IMMP2L: variants seen among roughly 807,000 people sequenced by gnomAD.
IMMP2L encodes the protein inner mitochondrial membrane peptidase subunit 2.
IMMP2L carries 18 observed loss-of-function variants against 19.3 expected under a neutral mutation model. The observed-to-expected ratio is 0.93, with a 90% CI of 0.64 to 1.38. IMMP2L has a LOEUF of 1.38. Ranked by LOEUF, IMMP2L falls within the 40% of genes most tolerant of loss-of-function variation. IMMP2L has a pLI of 0.00. For synonymous variants in IMMP2L, 76 were observed against 73.0 expected, an observed-to-expected ratio of 1.04 and a Z score of -0.21; for missense variants, 233 against 218.2, an observed-to-expected ratio of 1.07 and a Z score of -0.43.
intron 5 of IMMP2L, among the ~76,000 whole-genome samples, chr7:110,772,080 G>A (rs565378846): frequency 6.6e-6 from 1 of 152,220 alleles, no homozygotes; most frequent in East Asian, 1.9e-4. Flanking sequence ...AAAGCTGCCT[G>A]GTCTCTTGAG....
chr7:110,882,623 C>T (rs753600777), intron 5 of IMMP2L, among the ~76,000 whole-genome samples: 10 of 151,994 alleles, frequency 6.6e-5, no homozygotes, highest in Admixed American at 1.3e-4. Flanking sequence ...TCAGGTGATC[C>T]ACCCGCCTCG....
At chr7:110,761,204 C>T (rs1584748542) in intron 5 of IMMP2L, among the ~76,000 whole-genome samples, 1 of 152,080 alleles carries the variant, frequency 6.6e-6, no homozygotes, top group Non-Finnish European at 1.5e-5. Flanking sequence ...AGAATATGAG[C>T]ACTCCACTAG....
At chr7:111,534,492 T>C (rs186369463) in intron 1 of IMMP2L, among the ~76,000 whole-genome samples, 1 of 152,190 alleles carries the variant, frequency 6.6e-6, no homozygotes. Context: ...ATAAAGAATA[T>C]GAACCAAAAT....
intron 3 of IMMP2L, among the ~76,000 whole-genome samples, chr7:111,408,517 C>T (rs1252676789): frequency 9.9e-5 from 15 of 151,640 alleles, no homozygotes; most frequent in East Asian, 9.6e-4. Flanking sequence ...TTTTCTAGTG[C>T]ATCATATCAC....
intron 4 of IMMP2L, among the ~76,000 whole-genome samples, chr7:110,914,767 C>T (rs1306590526): frequency 6.9e-6 from 1 of 145,242 alleles, no homozygotes; most frequent in African/African-American, 2.6e-5. Context: ...TAATTTGGTA[C>T]AATAGTTTTT....
At chr7:111,115,976 C>T (rs934907172) in intron 3 of IMMP2L, among the ~76,000 whole-genome samples, 3 of 152,048 alleles carry the variant, frequency 2.0e-5, no homozygotes, top group Admixed American at 6.5e-5. Flanking sequence ...CACATCCGGC[C>T]GGAATTATTG....
intron 3 of IMMP2L, among the ~76,000 whole-genome samples, chr7:111,346,025 CA>C (rs1827503731): frequency 6.6e-6 from 1 of 152,120 alleles, no homozygotes; most frequent in African/African-American, 2.4e-5. Flanking sequence ...ACCATTACTG[CA>C]AGACATAACA....
At chr7:111,145,236 T>C (rs893777571) in intron 3 of IMMP2L, among the ~76,000 whole-genome samples, 1 of 152,140 alleles carries the variant, frequency 6.6e-6, no homozygotes, top group African/African-American at 2.4e-5. Context: ...AGAAGCAGCT[T>C]TGTGAACATA....
intron 3 of IMMP2L, among the ~76,000 whole-genome samples, chr7:111,089,260 G>A (rs568819811): frequency 2.6e-5 from 4 of 152,060 alleles, no homozygotes; most frequent in Non-Finnish European, 5.9e-5. Context: ...AAAACCAAGA[G>A]AGGAGTTTAA....
intron 1 of IMMP2L, among the ~76,000 whole-genome samples, chr7:111,525,275 T>C (rs545966629): frequency 7.9e-5 from 12 of 152,160 alleles, no homozygotes; most frequent in African/African-American, 2.6e-4. Flanking sequence ...GGAGTGGCCA[T>C]GTTGTGATGG....
intron 3 of IMMP2L, among the ~76,000 whole-genome samples, chr7:111,459,206 T>C (rs1839933866): frequency 6.6e-6 from 1 of 151,898 alleles, no homozygotes; most frequent in Non-Finnish European, 1.5e-5. Context: ...AAAACTGTTA[T>C]CTTATCATTA....
intron 3 of IMMP2L, among the ~76,000 whole-genome samples, chr7:111,023,887 G>A (rs943237752): frequency 5.9e-5 from 9 of 152,152 alleles, no homozygotes; most frequent in African/African-American, 2.2e-4. Context: ...TTTTCAAGAG[G>A]TGAAATAACT....
chr7:110,921,675 G>C (rs955899909), intron 4 of IMMP2L, among the ~76,000 whole-genome samples: 4 of 152,126 alleles, frequency 2.6e-5, no homozygotes, highest in African/African-American at 9.7e-5. Context: ...CATTGGCTGG[G>C]ATCACATTAT....
chr7:111,437,112 T>A (rs1368659051), intron 3 of IMMP2L, among the ~76,000 whole-genome samples: 1 of 151,892 alleles, frequency 6.6e-6, no homozygotes, highest in Non-Finnish European at 1.5e-5. Context: ...AACGCACTTA[T>A]TCTTTTTTAA....
Position 110,803,846 on chromosome 7 carries a change from T to A in IMMP2L, c.408+82747A>T, listed in dbSNP as rs1181752483. Among the ~76,000 whole-genome samples the A allele has an allele frequency of 6.6e-6, 1 of 152,064 alleles. No individual in the cohort carries two copies. Among genetic ancestry groups the A allele is most frequent in the Non-Finnish European group, 1.5e-5 (1 of 67,976 alleles). Reference sequence around the variant, plus strand: ...AGTATCTCAACACTTGGGGACTTGTTAGACATGCAAATTATCTTGCCCCAC... The same window carrying A: ...AGTATCTCAACACTTGGGGACTTGTAAGACATGCAAATTATCTTGCCCCAC... On this transcript the variant is annotated intron_variant, in intron 5 of 5. Coordinates refer to ENST00000405709, the MANE Select transcript of IMMP2L (RefSeq NM_032549.4). The surrounding 1 kb of genome is among the most constrained non-coding windows in gnomAD (Gnocchi z 4.2).
At chr7:111,438,134 G>A (rs952869821) in intron 3 of IMMP2L, among the ~76,000 whole-genome samples, 7 of 151,702 alleles carry the variant, frequency 4.6e-5, no homozygotes, top group Non-Finnish European at 1.5e-5. Context: ...ACTCAACGGA[G>A]TTACCTATTA....
chr7:111,016,584 T>C (rs1825602784), intron 3 of IMMP2L, among the ~76,000 whole-genome samples: 1 of 114,376 alleles, frequency 8.7e-6, no homozygotes, highest in South Asian at 2.4e-4. Flanking sequence ...CATATACATA[T>C]ATGTATATAT....
chr7:111,171,255 T>G (rs1806417153), intron 3 of IMMP2L, among the ~76,000 whole-genome samples: 1 of 151,828 alleles, frequency 6.6e-6, no homozygotes, highest in Admixed American at 6.6e-5. Context: ...CCATGTGGCA[T>G]ACATTTACAT....
intron 3 of IMMP2L, among the ~76,000 whole-genome samples, chr7:111,116,735 T>G (rs1161758003): frequency 6.6e-6 from 1 of 152,184 alleles, no homozygotes; most frequent in African/African-American, 2.4e-5. Flanking sequence ...CCTTATAATT[T>G]CATCTGAGTG....
Sources: allele counts gnomAD v4.1 joint callset (sites outside exome capture counted in the v4.1 genomes callset), GRCh38; gene constraint gnomAD v4.1.1; non-coding constraint Gnocchi (gnomAD v3.1); transcripts MANE v1.5; gene names NCBI Gene and HGNC (gene_info 2026-07-23, HGNC 2026-07-21).